Variants in BUB1B observed in about 807,000 individuals in gnomAD.
The protein encoded by BUB1B is BUB1 mitotic checkpoint serine/threonine kinase B, also known as mitotic checkpoint serine/threonine-protein kinase BUB1 beta.
BUB1B carries 86 observed loss-of-function variants against 137.7 expected under a neutral mutation model. The observed-to-expected ratio is 0.62, with a 90% confidence interval of 0.52 to 0.75. The LOEUF (loss-of-function observed/expected upper bound fraction) is 0.75, where lower values mean the gene tolerates loss of function less well. Ranked by LOEUF, BUB1B falls within the 30% of genes least tolerant of loss-of-function variation. The probability of loss-of-function intolerance (pLI) is 0.00; values close to 1 mark genes in which losing one functional copy is unlikely to be tolerated. For missense variants in BUB1B, 1,130 were observed against 1,236.9 expected (o/e 0.91, Z 1.30); for synonymous variants, 420 against 417.9 (o/e 1.00, Z -0.06).
chr15:40,217,574 G>A lies in BUB1B; in HGVS notation c.2757G>A (p.Arg919=). 1 of 1,614,074 alleles carries A rather than the reference G, an allele frequency of 6.2e-7. No homozygotes were observed. The highest frequency in any genetic ancestry group is 8.5e-7 in the Non-Finnish European group (1 of 1,180,012). Residue 919 remains arginine, a synonymous_variant, in exon 21 of 23, where the codon AGG becomes AGA. Coordinates refer to ENST00000287598, the MANE Select transcript of BUB1B (RefSeq NM_001211.6). ...ACTTTTCCTACAGTGTTGACCTTAGGGTGCAGCTGGATGTTTTTACCCTCA... is the reference window on the plus strand; with the variant it reads ...ACTTTTCCTACAGTGTTGACCTTAGAGTGCAGCTGGATGTTTTTACCCTCA... The part of the protein sequence containing the change: ...IVDFSYSVDL[R]VQLDVFTLSG...
At chr15:40,184,381 C>T (rs181400904) in intron 6 of BUB1B, among the ~76,000 whole-genome samples, 4 of 151,754 alleles carry the variant, frequency 2.6e-5, no homozygotes, top group East Asian at 1.9e-4. Context: ...CATAGCTCAC[C>T]GCAGCTTCAA....
chr15:40,181,222 G>A (rs779573111), intron 5 of BUB1B, among the ~76,000 whole-genome samples: 4 of 151,882 alleles, frequency 2.6e-5, no homozygotes, highest in Non-Finnish European at 5.9e-5. Context: ...CTCCTGAGTA[G>A]CTGGGATTAC....
At chr15:40,166,337 CTCT>C in intron 2 of BUB1B, 2 of 434,416 alleles carry the variant, frequency 4.6e-6, no homozygotes, top group East Asian at 7.4e-5. Context: ...TTCTCTCTCT[CTCT>C]TTTTTTTTTT....
At chr15:40,174,598 A>C (rs1181181385) in intron 4 of BUB1B, among the ~76,000 whole-genome samples, 1 of 152,244 alleles carries the variant, frequency 6.6e-6, no homozygotes, top group Non-Finnish European at 1.5e-5. Context: ...AGGAACAGAT[A>C]AATAGGAGAT....
At chr15:40,181,123 G>T (rs1419890462) in intron 5 of BUB1B, among the ~76,000 whole-genome samples, 1 of 148,072 alleles carries the variant, frequency 6.8e-6, no homozygotes. Context: ...ACAGAGTCTA[G>T]CTCTGTTGCC....
chr15:40,177,334 A>G (rs1259949302), intron 5 of BUB1B, among the ~76,000 whole-genome samples: 1 of 152,060 alleles, frequency 6.6e-6, no homozygotes, highest in Non-Finnish European at 1.5e-5. Flanking sequence ...TTCATCTTCA[A>G]GTTTTCATCT....
At chr15:40,171,122 AG>A (rs1439043687) in intron 4 of BUB1B, among the ~76,000 whole-genome samples, 1 of 152,096 alleles carries the variant, frequency 6.6e-6, no homozygotes, top group African/African-American at 2.4e-5. Flanking sequence ...TTTTTAATAG[AG>A]ATGACTTCTC....
rs1194528045 is a variant in BUB1B at position 40,180,278 on chromosome 15, G to T, written c.582-3436G>T. Among the ~76,000 whole-genome samples, 2 of 116,188 alleles carry T rather than the reference G, an allele frequency of 1.7e-5. 1 individual carries two copies. Among genetic ancestry groups the T allele is most frequent in the South Asian group, 5.1e-4 (2 of 3,910 alleles). 76.2% of individuals were successfully genotyped at this position (116,188 alleles called of 152,430 possible). A position where few individuals can be genotyped will look rare whatever the true frequency, so the allele number is the denominator to read the frequency against. ...TTTTTTTTTTTTTTTTTTTGAGATG[G>T]AGTCTTGCTCTGTCACCCAGGCTGG... On this transcript the variant is annotated intron_variant, in intron 5 of 22. Coordinates refer to ENST00000287598, the MANE Select transcript of BUB1B (RefSeq NM_001211.6).
intron 14 of BUB1B, among the ~76,000 whole-genome samples, chr15:40,204,502 C>T (rs1225928550): frequency 6.7e-6 from 1 of 149,932 alleles, no homozygotes; most frequent in Non-Finnish European, 1.5e-5. Flanking sequence ...CCAGAATTTT[C>T]ATCCCCTAAA....
chr15:40,217,385 T>A (rs150723559), intron 20 of BUB1B, 111 bp from the exon 21 acceptor site: 36 of 1,114,766 alleles, frequency 3.2e-5, no homozygotes, highest in African/African-American at 2.9e-4. Context: ...CTGGAGGGAG[T>A]TGTTGGCATA....
intron 4 of BUB1B, chr15:40,173,826 T>C (rs1216913910): frequency 3.2e-6 from 1 of 314,754 alleles, no homozygotes. Context: ...TTTTTCTTTG[T>C]GGGTCTGGTC....
intron 18 of BUB1B, 108 bp from the exon 19 acceptor site, chr15:40,212,391 A>C (rs2037724496): frequency 1.2e-6 from 1 of 848,886 alleles, no homozygotes; most frequent in African/African-American, 1.7e-5. Context: ...CTTTAAAAAT[A>C]TCTCTTTATT....
At chr15:40,200,083 A>C in intron 10 of BUB1B, 161 bp from the exon 11 acceptor site, 1 of 683,340 alleles carries the variant, frequency 1.5e-6, no homozygotes, top group Admixed American at 2.1e-5. Flanking sequence ...GTACTGGTTT[A>C]GAGTAGGAAT....
At chr15:40,202,363 G>C (rs1190462498) in intron 12 of BUB1B, 42 bp from the exon 13 acceptor site, 2 of 1,463,598 alleles carry the variant, frequency 1.4e-6, no homozygotes, top group East Asian at 4.5e-5. Context: ...GAAGAGTAAA[G>C]CATTTACTCC....
chr15:40,200,263 C>T lies in BUB1B; in HGVS notation c.1421C>T (p.Thr474Ile), dbSNP rs754370059. The change falls in exon 11 of 23, where the codon ACA (threonine) becomes ATA (isoleucine). Residue 474 changes from threonine to isoleucine, a missense_variant. Coordinates refer to ENST00000287598, the MANE Select transcript of BUB1B (RefSeq NM_001211.6). The part of the protein sequence containing the change: ...TGDQQEETMP[T>I]KETTKLQIAS... ...AAACAGCAAGAAGAGACGATGCCTA[C>T]AAAGGAGACAACTAAACTGCAAATT... The T allele has an allele frequency of 1.2e-6, 2 of 1,613,364 alleles. No individual in the cohort carries two copies.
At chr15:40,201,079 A>G (rs1000960751) in intron 12 of BUB1B, 99 bp downstream of exon 12, 3 of 1,115,090 alleles carry the variant, frequency 2.7e-6, no homozygotes, top group Admixed American at 1.8e-5. Context: ...GGATTGAAAG[A>G]CAGGGGGACT....
chr15:40,174,454 A>G (rs2140884246), intron 4 of BUB1B, among the ~76,000 whole-genome samples: 1 of 152,338 alleles, frequency 6.6e-6, no homozygotes, highest in Non-Finnish European at 1.5e-5. Context: ...TATCATAGCA[A>G]TGTCTTCTGA....
chr15:40,167,137 A>G (rs1201374309), intron 2 of BUB1B, among the ~76,000 whole-genome samples: 1 of 149,636 alleles, frequency 6.7e-6, no homozygotes, highest in East Asian at 2.0e-4. Flanking sequence ...ATGTGTTGCA[A>G]ATTTTTTTTC....
At chr15:40,220,018 C>T (rs998726757) in intron 22 of BUB1B, among the ~76,000 whole-genome samples, 4 of 152,134 alleles carry the variant, frequency 2.6e-5, no homozygotes, top group Admixed American at 2.6e-4. Flanking sequence ...CTGGCTAACA[C>T]AAGCAGAAAC....
Sources: gnomAD v4.1 joint callset for allele counts (sites outside exome capture counted in the v4.1 genomes callset) on GRCh38, gnomAD v4.1.1 for gene constraint, MANE v1.5 for transcripts, NCBI Gene and HGNC (gene_info 2026-07-23, HGNC 2026-07-21) for gene names.